The following WNK3 variants were observed in gnomAD, a reference collection of about 807,000 sequenced individuals.
The protein encoded by WNK3 is serine/threonine-protein kinase WNK3.
A neutral mutation model predicts 116.7 loss-of-function variants in WNK3; 18 were observed. The ratio of observed to expected loss-of-function variants is 0.15; its 90% CI spans 0.11 to 0.23. The LOEUF is 0.23. Ranked by LOEUF, WNK3 falls within the 10% of genes least tolerant of loss-of-function variation. The probability of loss-of-function intolerance (pLI) is 1.00; values close to 1 mark genes in which losing one functional copy is unlikely to be tolerated. For missense variants in WNK3, 993 were observed against 1,323.8 expected, an observed-to-expected ratio of 0.75 and a Z score of 3.88; for synonymous variants, 404 against 469.4, an observed-to-expected ratio of 0.86 and a Z score of 1.80.
At chrX:54,348,011 T>C (rs2069460159) in intron 1 of WNK3, among the ~76,000 whole-genome samples, 1 of 110,871 alleles carries the variant, frequency 9.0e-6, no homozygotes, top group African/African-American at 3.3e-5. Context: ...TTTATAGTCA[T>C]AGTAACTTAA....
intron 17 of WNK3, among the ~76,000 whole-genome samples, chrX:54,244,990 A>C (rs2068059870): frequency 9.0e-6 from 1 of 111,563 alleles, no homozygotes; most frequent in Non-Finnish European, 1.9e-5. Flanking sequence ...TTTTTGGCTT[A>C]TAACATGAAT....
intron 22 of WNK3, among the ~76,000 whole-genome samples, chrX:54,216,391 G>C (rs1405108105): frequency 4.6e-5 from 5 of 108,800 alleles, no homozygotes; most frequent in African/African-American, 1.0e-4. Context: ...TGCTCACCTG[G>C]CAGTGGAAGA....
intron 8 of WNK3, among the ~76,000 whole-genome samples, chrX:54,293,934 T>C (rs1349844305): frequency 8.9e-6 from 1 of 112,100 alleles, no homozygotes; most frequent in African/African-American, 3.2e-5. Flanking sequence ...CCCAACACTT[T>C]GGGAGGCTGA....
intron 7 of WNK3, 73 bp from the exon 8 acceptor site, chrX:54,294,920 C>CA: frequency 1.1e-6 from 1 of 894,445 alleles, no homozygotes; most frequent in Non-Finnish European, 1.5e-6. Flanking sequence ...TTTTTTGAGA[C>CA]AGAGTCTAGC....
intron 1 of WNK3, among the ~76,000 whole-genome samples, chrX:54,353,640 G>T (rs782406170): frequency 9.3e-6 from 1 of 107,310 alleles, no homozygotes; most frequent in Non-Finnish European, 1.9e-5. Flanking sequence ...CCAGCTACTC[G>T]GGAGGCTAAG....
chrX:54,247,895 T>C (rs1461310867), intron 17 of WNK3, among the ~76,000 whole-genome samples: 1 of 111,397 alleles, frequency 9.0e-6, no homozygotes, highest in Non-Finnish European at 1.9e-5. Context: ...GTGGTTACTT[T>C]TGTGATTTGA....
At chrX:54,232,113 GTATA>G (rs781829275) in intron 21 of WNK3, among the ~76,000 whole-genome samples, 298 of 95,057 alleles carry the variant, frequency 3.1e-3, no homozygotes, top group African/African-American at 0.01. Context: ...GTGTGTGTGT[GTATA>G]TATATATATA....
chrX:54,277,148 A>G (rs1403821028), intron 10 of WNK3, among the ~76,000 whole-genome samples: 1 of 110,562 alleles, frequency 9.0e-6, no homozygotes, highest in East Asian at 2.8e-4. Flanking sequence ...CCCCCCTAAG[A>G]CTCGGAACAA....
At chrX:54,216,857 A>T (rs782277723) in intron 22 of WNK3, among the ~76,000 whole-genome samples, 125 of 112,222 alleles carry the variant, frequency 1.1e-3, no homozygotes, top group Middle Eastern at 4.6e-3. Context: ...AGGCTTAAAA[A>T]TTAAAAATAA....
intron 11 of WNK3, among the ~76,000 whole-genome samples, chrX:54,256,478 A>G (rs2068194154): frequency 8.9e-6 from 1 of 112,224 alleles, no homozygotes; most frequent in African/African-American, 3.2e-5. Flanking sequence ...TTACAGGTCT[A>G]CATCAATATT....
chrX:54,222,152 C>T (rs868975321), intron 22 of WNK3, among the ~76,000 whole-genome samples: 19 of 109,220 alleles, frequency 1.7e-4, no homozygotes, highest in African/African-American at 5.7e-4. Flanking sequence ...AGCAAAACTT[C>T]GTCTCAAAAC....
exon 20 of WNK3, chrX:54,237,471 G>A: frequency 8.3e-7 from 1 of 1,200,732 alleles, no homozygotes; most frequent in African/African-American, 1.7e-5. Context: ...CACTAGAATG[G>A]TTTGTCTCAC....
intron 1 of WNK3, among the ~76,000 whole-genome samples, chrX:54,349,952 T>C: frequency 8.9e-6 from 1 of 111,760 alleles, no homozygotes; most frequent in South Asian, 3.7e-4. Context: ...AACAAACACA[T>C]GTATGTATAG....
chrX:54,259,774 A>G (rs1303646800), intron 10 of WNK3, among the ~76,000 whole-genome samples: 2 of 111,297 alleles, frequency 1.8e-5, no homozygotes, highest in East Asian at 5.6e-4. Context: ...GACTATTTCA[A>G]CTATCCCTTC....
intron 10 of WNK3, among the ~76,000 whole-genome samples, chrX:54,277,591 C>T (rs1557161355): frequency 1.8e-5 from 2 of 110,882 alleles, no homozygotes; most frequent in African/African-American, 6.5e-5. Flanking sequence ...CTGCCTCAGT[C>T]TCCCAAAGTG....
intron 23 of WNK3, among the ~76,000 whole-genome samples, chrX:54,198,920 T>C (rs782373326): frequency 9.0e-6 from 1 of 111,297 alleles, no homozygotes; most frequent in South Asian, 3.9e-4. Context: ...TTTCCATGCA[T>C]ACATACATAG....
chrX:54,305,447 G>A (rs1395480918), intron 5 of WNK3, among the ~76,000 whole-genome samples: 2 of 111,272 alleles, frequency 1.8e-5, no homozygotes, highest in Non-Finnish European at 3.8e-5. Context: ...AGAGAATCAG[G>A]TGTTAAACAT....
In WNK3 at chrX:54,232,695, G is replaced by A. The variant is rs181106874; in HGVS notation, c.4840+114C>T. ...ACAGAAAATAATCTCAGAATAATGT[G>A]TACTTCTTTAAATTATTTTAGCCTA... On this transcript the variant is annotated intron_variant, in intron 21 of 23. Coordinates refer to ENST00000354646, the Ensembl canonical transcript of WNK3. The A allele has an allele frequency of 7.9e-6, 5 of 629,649 alleles. No individual in the cohort carries two copies. In the Admixed American group the frequency reaches 1.9e-4, roughly 24 times the overall value. The allele number at this position is 629,649 out of a possible 1,213,427, so 51.9% of individuals were successfully genotyped here.
chrX:54,283,077 T>C (rs183311181), intron 10 of WNK3, among the ~76,000 whole-genome samples: 2 of 111,972 alleles, frequency 1.8e-5, no homozygotes, highest in East Asian at 2.8e-4. Flanking sequence ...CATCTGATAA[T>C]GGTCTAAGTA....
Sources: allele counts gnomAD v4.1 joint callset (sites outside exome capture counted in the v4.1 genomes callset), GRCh38; gene constraint gnomAD v4.1.1; transcripts MANE v1.5; gene names NCBI Gene and HGNC (gene_info 2026-07-23, HGNC 2026-07-21).